Variants in MARCHF1 observed in about 807,000 individuals in gnomAD.
MARCHF1 encodes membrane associated ring-CH-type finger 1.
In MARCHF1, 40 loss-of-function variants were observed where a neutral mutation model predicts 54.2. That is an observed-to-expected ratio of 0.74 (90% CI 0.57 to 0.96). The LOEUF (loss-of-function observed/expected upper bound fraction) is 0.96, where lower values mean the gene tolerates loss of function less well. Ranked by LOEUF, MARCHF1 falls within the 40% of genes least tolerant of loss-of-function variation. MARCHF1 has a pLI of 0.00. For synonymous variants in MARCHF1, 236 were observed against 236.3 expected (o/e 1.00, Z 0.01); for missense variants, 586 against 656.5 (o/e 0.89, Z 1.17).
At chr4:163,625,464 G>A (rs1437413503) in intron 5 of MARCHF1, among the ~76,000 whole-genome samples, 3 of 152,202 alleles carry the variant, frequency 2.0e-5, no homozygotes, top group Non-Finnish European at 2.9e-5. Context: ...AGAGTTGTGC[G>A]GTTGAATGGA....
chr4:163,781,598 C>T (rs529869124), intron 4 of MARCHF1, among the ~76,000 whole-genome samples: 20 of 152,176 alleles, frequency 1.3e-4, no homozygotes, highest in Non-Finnish European at 2.1e-4. Flanking sequence ...AGCTGAAAAG[C>T]GGGATTCAAA....
At chr4:163,664,828 A>G (rs1388503949) in intron 5 of MARCHF1, among the ~76,000 whole-genome samples, 1 of 152,068 alleles carries the variant, frequency 6.6e-6, no homozygotes, top group South Asian at 2.1e-4. Context: ...GGGTCAATAT[A>G]TTTAGTGGGC....
intron 2 of MARCHF1, among the ~76,000 whole-genome samples, chr4:164,059,036 G>A (rs985725660): frequency 6.6e-6 from 1 of 152,078 alleles, no homozygotes. Flanking sequence ...TTGCAAAAAG[G>A]GCTCATAGGA....
chr4:164,149,232 C>A (rs1348443032), intron 1 of MARCHF1, among the ~76,000 whole-genome samples: 2 of 152,194 alleles, frequency 1.3e-5, no homozygotes, highest in Admixed American at 6.6e-5. Flanking sequence ...TCCTGCAGAA[C>A]TGTCAGCCAA....
chr4:164,303,333 G>C lies in MARCHF1; in HGVS notation c.-323+80537C>G, dbSNP rs551604105. Among the ~76,000 whole-genome samples the C allele has an allele frequency of 2.1e-4, 32 of 152,280 alleles. No homozygotes were observed. In the East Asian group the frequency reaches 6.2e-3, roughly 29 times the overall value. ...GAAAATTGATTTTTCTCATAAGAGT[G>C]CATATTTCCCTTTCAAGAAATGAAA... is the stretch of plus-strand genomic sequence containing the variant. On this transcript the variant is annotated intron_variant, in intron 1 of 9. Coordinates refer to ENST00000514618, the MANE Select transcript of MARCHF1 (RefSeq NM_001394959.1).
intron 2 of MARCHF1, among the ~76,000 whole-genome samples, chr4:164,022,046 ATTC>A (rs1220919028): frequency 4.6e-5 from 7 of 152,056 alleles, no homozygotes; most frequent in African/African-American, 1.7e-4. Flanking sequence ...ATTCCCTCCT[ATTC>A]TTTGTGCAAT....
intron 1 of MARCHF1, among the ~76,000 whole-genome samples, chr4:164,231,675 C>T (rs764517362): frequency 1.4e-3 from 206 of 152,196 alleles, no homozygotes; most frequent in Non-Finnish European, 2.3e-3. Flanking sequence ...GGCTTTAGAA[C>T]ATAGGGTCCT....
chr4:164,309,997 A>T (rs534037649), intron 1 of MARCHF1, among the ~76,000 whole-genome samples: 62 of 150,878 alleles, frequency 4.1e-4, no homozygotes, highest in Non-Finnish European at 7.5e-4. Context: ...TTTTTTAATT[A>T]AAAAAAAATC....
intron 2 of MARCHF1, among the ~76,000 whole-genome samples, chr4:164,097,072 T>C (rs1229348348): frequency 1.3e-5 from 2 of 152,176 alleles, no homozygotes; most frequent in Admixed American, 6.6e-5. Flanking sequence ...TTAAAAACTG[T>C]AGACATGTAA....
intron 1 of MARCHF1, chr4:164,189,577 G>T: frequency 1.1e-6 from 1 of 932,470 alleles, no homozygotes; most frequent in South Asian, 1.3e-5. Flanking sequence ...TGCTGTCCAG[G>T]CTGGAGTGCT....
At chr4:163,629,533 T>C (rs1741994340) in intron 5 of MARCHF1, among the ~76,000 whole-genome samples, 1 of 152,062 alleles carries the variant, frequency 6.6e-6, no homozygotes, top group Non-Finnish European at 1.5e-5. Flanking sequence ...AAAGCAATGG[T>C]AACACAAGCG....
intron 4 of MARCHF1, among the ~76,000 whole-genome samples, chr4:163,760,205 C>T (rs1339681498): frequency 2.0e-5 from 3 of 152,196 alleles, no homozygotes; most frequent in Admixed American, 6.5e-5. Flanking sequence ...GGCTGATCTG[C>T]TCCTTCTTGT....
intron 1 of MARCHF1, among the ~76,000 whole-genome samples, chr4:164,299,107 A>G (rs1361876242): frequency 6.6e-6 from 1 of 152,176 alleles, no homozygotes; most frequent in Non-Finnish European, 1.5e-5. Flanking sequence ...CTTGCTCAAA[A>G]TTAAAATTTT....
At chr4:163,771,497 T>C (rs1747160088) in intron 4 of MARCHF1, among the ~76,000 whole-genome samples, 1 of 152,188 alleles carries the variant, frequency 6.6e-6, no homozygotes, top group South Asian at 2.1e-4. Context: ...AATTCACAGA[T>C]GACACCATCT....
At chr4:164,312,342 A>G (rs1579711556) in intron 1 of MARCHF1, among the ~76,000 whole-genome samples, 1 of 35,562 alleles carries the variant, frequency 2.8e-5, no homozygotes, top group Non-Finnish European at 6.1e-5. Flanking sequence ...TTTTTTTTTG[A>G]GACGCAGTCT....
Position 164,361,986 on chromosome 4 carries a change from A to G in MARCHF1, c.-323+21884T>C, listed in dbSNP as rs80187660. Among the ~76,000 whole-genome samples the G allele has an allele frequency of 1.5e-4, 23 of 152,226 alleles. No homozygotes were observed. The East Asian group carries it at 4.5e-3, about 29-fold the overall frequency. On this transcript the variant is annotated intron_variant, in intron 1 of 9. Transcript: ENST00000514618. ...ATGGGTAAATTATGCATTTGGGGAT[A>G]CACTTAAGCTCATGGGTAAATTATG...
intron 1 of MARCHF1, among the ~76,000 whole-genome samples, chr4:164,176,970 C>CTATATATA (rs1553989360): frequency 1.7e-5 from 1 of 57,444 alleles, no homozygotes; most frequent in African/African-American, 8.0e-5. Context: ...CTCTCTCTCT[C>CTATATATA]TCTCTCTCTC....
intron 2 of MARCHF1, among the ~76,000 whole-genome samples, chr4:164,021,867 T>A (rs867988405): frequency 4.1e-5 from 6 of 147,048 alleles, no homozygotes; most frequent in African/African-American, 1.2e-4. Context: ...AAAAAAAAAA[T>A]TATATATATA....
intron 1 of MARCHF1, among the ~76,000 whole-genome samples, chr4:164,156,472 G>A (rs775358400): frequency 1.3e-5 from 2 of 152,040 alleles, no homozygotes; most frequent in Non-Finnish European, 2.9e-5. Context: ...TGCTCAGGCT[G>A]GAGTGCAGTG....
Sources: gnomAD v4.1 joint callset for allele counts (sites outside exome capture counted in the v4.1 genomes callset) on GRCh38, gnomAD v4.1.1 for gene constraint, MANE v1.5 for transcripts, NCBI Gene and HGNC (gene_info 2026-07-23, HGNC 2026-07-21) for gene names.